The following CALN1 variants were observed in gnomAD, a reference collection of about 807,000 sequenced individuals.
The protein encoded by CALN1 is calneuron 1, also known as calcium-binding protein 8.
A neutral mutation model predicts 30.6 loss-of-function variants in CALN1; 17 were observed. The ratio of observed to expected loss-of-function variants is 0.56; its 90% CI spans 0.38 to 0.83. The LOEUF is 0.83. Among genes scored for constraint, CALN1 ranks in the 40% least tolerant of loss-of-function variants. The pLI is 0.00. For synonymous variants in CALN1, 156 were observed against 131.4 expected (o/e 1.19, Z -1.28); for missense variants, 291 against 354.9 (o/e 0.82, Z 1.45).
At chr7:72,166,742 T>A (rs1243686616) in intron 3 of CALN1, among the ~76,000 whole-genome samples, 3 of 152,146 alleles carry the variant, frequency 2.0e-5, no homozygotes, top group Non-Finnish European at 4.4e-5. Flanking sequence ...ACCTCTAGCA[T>A]AAAAATACCA....
Position 71,954,781 on chromosome 7 carries a change from T to A in CALN1, c.501+68876A>T, listed in dbSNP as rs145893027. 8.3e-4 allele frequency among the ~76,000 whole-genome samples: 126 copies of A among 152,326 alleles called. No individual in the cohort carries two copies. The East Asian group carries it at 0.023, about 28-fold the overall frequency. On this transcript the variant is annotated intron_variant, in intron 5 of 6. Transcript: ENST00000395275. ...GAATGAAAATCAAGACAGAGTAGAT[T>A]CAGGAGTCAGTGGGAGAAGAGAACT... is the stretch of plus-strand genomic sequence containing the variant.
At chr7:71,868,187 G>A (rs1312007005) in intron 5 of CALN1, among the ~76,000 whole-genome samples, 2 of 152,096 alleles carry the variant, frequency 1.3e-5, no homozygotes, top group East Asian at 1.9e-4. Context: ...AGAAATACCT[G>A]AGACTGGGTA....
At chr7:72,000,799 G>C (rs915589287) in intron 5 of CALN1, among the ~76,000 whole-genome samples, 2 of 152,122 alleles carry the variant, frequency 1.3e-5, no homozygotes, top group Non-Finnish European at 2.9e-5. Flanking sequence ...CAAAATACTA[G>C]CAAACTGAAT....
intron 2 of CALN1, among the ~76,000 whole-genome samples, chr7:72,373,855 C>G (rs1381660904): frequency 2.6e-5 from 4 of 152,134 alleles, no homozygotes; most frequent in Non-Finnish European, 4.4e-5. Context: ...AGAAAAACAT[C>G]TTGAAAGTAA....
chr7:72,033,627 C>G (rs925136026), intron 4 of CALN1, among the ~76,000 whole-genome samples: 4 of 152,120 alleles, frequency 2.6e-5, no homozygotes, highest in African/African-American at 9.6e-5. Context: ...GTGGCCTGAG[C>G]AATGGTGAGG....
chr7:72,147,706 C>T (rs1270406374), intron 3 of CALN1, among the ~76,000 whole-genome samples: 1 of 151,882 alleles, frequency 6.6e-6, no homozygotes, highest in African/African-American at 2.4e-5. Flanking sequence ...CCCAAATGTC[C>T]AACAATGATA....
At position 71,998,833 on chromosome 7, in the gene CALN1, G is replaced by A. The variant is rs1799384755; in HGVS notation, c.501+24824C>T. Among the ~76,000 whole-genome samples, 2 of 152,072 alleles carry A rather than the reference G, an allele frequency of 1.3e-5. 1 individual carries two copies. The highest frequency in any genetic ancestry group is 4.8e-5 in the African/African-American group (2 of 41,412). On this transcript the variant is annotated intron_variant, in intron 5 of 6. Transcript: ENST00000395275. ...GGTCTCCCAAAGTGCTGGGATTGCAGGTGTGAGCCACCGCACCCAAAGAGA... is the reference window on the plus strand; with the variant it reads ...GGTCTCCCAAAGTGCTGGGATTGCAAGTGTGAGCCACCGCACCCAAAGAGA...
At chr7:71,871,915 T>C (rs1397816144) in intron 5 of CALN1, among the ~76,000 whole-genome samples, 2 of 152,174 alleles carry the variant, frequency 1.3e-5, no homozygotes, top group East Asian at 3.9e-4. Context: ...ATGGTCTCGA[T>C]CAGGACCATC....
chr7:72,239,324 G>A (rs1794688125), intron 3 of CALN1, among the ~76,000 whole-genome samples: 1 of 152,036 alleles, frequency 6.6e-6, no homozygotes, highest in Non-Finnish European at 1.5e-5. Flanking sequence ...CTTGAGCTCA[G>A]GAGTGAGGCT....
intron 5 of CALN1, among the ~76,000 whole-genome samples, chr7:71,980,935 C>T (rs1798362715): frequency 6.6e-6 from 1 of 151,582 alleles, no homozygotes; most frequent in African/African-American, 2.4e-5. Flanking sequence ...GAAAAGAGGC[C>T]ACAGGGTTCT....
chr7:72,467,493 A>T, the CALN1 span, among the ~76,000 whole-genome samples: 1 of 151,182 alleles, frequency 6.6e-6, no homozygotes, highest in African/African-American at 2.4e-5. Context: ...GCCTTATAAA[A>T]CCTCCAAGAC....
intron 2 of CALN1, among the ~76,000 whole-genome samples, chr7:72,287,460 T>TAAAAAAAAAAAAAAAAAAAAAAAA (rs1798161927): frequency 6.9e-6 from 1 of 144,340 alleles, no homozygotes; most frequent in African/African-American, 2.6e-5. Flanking sequence ...TTTTTTTTTT[T>TAAAAAAAAAAAAAAAAAAAAAAAA]TTTGAGACAG....
intron 2 of CALN1, among the ~76,000 whole-genome samples, chr7:72,332,706 G>A (rs1292053605): frequency 6.6e-6 from 1 of 152,058 alleles, no homozygotes; most frequent in East Asian, 1.9e-4. Flanking sequence ...GTTTCCATCA[G>A]TATTCTTAAT....
intron 3 of CALN1, among the ~76,000 whole-genome samples, chr7:72,240,461 C>T (rs1008622045): frequency 5.3e-5 from 8 of 152,154 alleles, no homozygotes; most frequent in Admixed American, 4.6e-4. Flanking sequence ...TCCCAAAGCG[C>T]TGGTGTTACA....
At chr7:71,851,591 GC>G (rs1477591452) in intron 5 of CALN1, among the ~76,000 whole-genome samples, 2 of 151,560 alleles carry the variant, frequency 1.3e-5, no homozygotes, top group Non-Finnish European at 2.9e-5. Flanking sequence ...TTCACTAAAA[GC>G]AAAAATGCAA....
At chr7:72,083,653 G>A (rs887671172) in intron 4 of CALN1, among the ~76,000 whole-genome samples, 1 of 152,158 alleles carries the variant, frequency 6.6e-6, no homozygotes, top group African/African-American at 2.4e-5. Flanking sequence ...AGGCACAGTG[G>A]CTCACACCTG....
chr7:72,073,260 G>T (rs1804521461), intron 4 of CALN1, among the ~76,000 whole-genome samples: 1 of 152,068 alleles, frequency 6.6e-6, no homozygotes, highest in Non-Finnish European at 1.5e-5. Flanking sequence ...GGGAGAATGG[G>T]GTTATTGCTT....
intron 5 of CALN1, among the ~76,000 whole-genome samples, chr7:71,961,797 G>T (rs576305877): frequency 1.3e-5 from 2 of 152,170 alleles, no homozygotes; most frequent in East Asian, 1.9e-4. Context: ...AGAGGGCAGG[G>T]TCCTCCTCCC....
intron 3 of CALN1, among the ~76,000 whole-genome samples, chr7:72,206,970 T>C (rs1791930473): frequency 6.6e-6 from 1 of 152,218 alleles, no homozygotes; most frequent in African/African-American, 2.4e-5. Flanking sequence ...ATATAGACAT[T>C]ATCTGTCACT....
Sources: allele counts gnomAD v4.1 joint callset (sites outside exome capture counted in the v4.1 genomes callset), GRCh38; gene constraint gnomAD v4.1.1; transcripts MANE v1.5; gene names NCBI Gene and HGNC (gene_info 2026-07-23, HGNC 2026-07-21).